SART3: variants seen among roughly 807,000 people sequenced by gnomAD.
SART3 encodes the protein HIV-1 Tat-interacting protein of 110kDa.
Under a neutral mutation model 122.3 loss-of-function variants are expected in SART3, and 44 were observed. The observed-to-expected ratio is 0.36, with a 90% CI of 0.28 to 0.46. The LOEUF is 0.46. Among genes scored for constraint, SART3 ranks in the 20% least tolerant of loss-of-function variants. The pLI is 1.00. For synonymous variants in SART3, 442 were observed against 454.0 expected (o/e 0.97, Z 0.34); for missense variants, 1,101 against 1,229.0 (o/e 0.90, Z 1.56).
chr12:108,545,773 C>T (rs541389311), intron 3 of SART3, among the ~76,000 whole-genome samples: 2 of 152,198 alleles, frequency 1.3e-5, no homozygotes, highest in South Asian at 4.2e-4. Context: ...CGAAACCAGC[C>T]TGGCCAATAT....
Position 108,561,028 on chromosome 12 carries a change from CA to C in SART3, c.126del (p.Val43TrpfsTer20). 1 of 1,614,202 alleles carries C rather than the reference CA, an allele frequency of 6.2e-7. No individual in the cohort carries two copies. The highest frequency in any genetic ancestry group is 1.1e-5 in the South Asian group (1 of 91,084). Reference protein sequence around the residue: ...ARTRRKVLSRAVAAATYKTMG... With the variant: ...ARTRRKVLSRXVAAATYKTMG... ...ATGGTCTTGTATGTCGCAGCGGCCACAGCCCGCGATAACACCTTCCTCCTTG... is the reference window on the plus strand; with the variant it reads ...ATGGTCTTGTATGTCGCAGCGGCCACGCCCGCGATAACACCTTCCTCCTTG... On this transcript the variant is annotated frameshift_variant, in exon 1 of 19. Coordinates refer to ENST00000546815, the MANE Select transcript of SART3 (RefSeq NM_014706.4). LOFTEE classifies it high-confidence loss of function.
rs545399301 is a variant in SART3, at chr12:108,533,900, G to A, written c.1556+1459C>T. Among the ~76,000 whole-genome samples the A allele has an allele frequency of 3.3e-5, 5 of 152,274 alleles. 1 individual carries two copies. The South Asian group carries it at 1.0e-3, about 32-fold the overall frequency. On this transcript the variant is annotated intron_variant, in intron 12 of 18. Transcript: ENST00000546815. ...TTCAGATTCCACATGCAACACTGAA[G>A]TTTTGCTATAATATGTATGAAAGAA...
In SART3 at chr12:108,532,245, A is replaced by G; in HGVS notation, c.1646T>C (p.Leu549Ser). 1 of 1,614,136 alleles carries G rather than the reference A, an allele frequency of 6.2e-7. No homozygotes were observed. Among genetic ancestry groups the G allele is most frequent in the Non-Finnish European group, 8.5e-7 (1 of 1,179,990 alleles). Residue 549 changes from leucine to serine, a missense_variant, in exon 13 of 19, where the codon TTA (leucine) becomes TCA (serine). This residue lies in a region of SART3 where 885 missense variants were observed against 1,080.1 expected (regional missense o/e 0.82). Coordinates refer to ENST00000546815, the MANE Select transcript of SART3 (RefSeq NM_014706.4). ...SDYPEHVCEV[L>S]LTMERTEGSL... ...ACCTTCTGTCCTCTCCATGGTGAGT[A>G]ACACTTCGCAGACGTGCTCTGGGTA...
intron 3 of SART3, among the ~76,000 whole-genome samples, chr12:108,547,488 T>C (rs920038500): frequency 6.6e-6 from 1 of 152,232 alleles, no homozygotes; most frequent in African/African-American, 2.4e-5. Flanking sequence ...CTCTGTACTA[T>C]TTCTGCAACT....
In SART3 at chr12:108,523,408, C is replaced by T; in HGVS notation, c.*49G>A. 1.2e-6 allele frequency: 2 copies of T among 1,601,440 alleles called. No homozygotes were observed. The highest frequency in any genetic ancestry group is 1.7e-6 in the Non-Finnish European group (2 of 1,170,380). ...AGTGCACTGCTGGGTGGTGGGAGGTCCGCCGGGCCAGAGTGAAGTAAGGCA... is the reference window on the plus strand; with the variant it reads ...AGTGCACTGCTGGGTGGTGGGAGGTTCGCCGGGCCAGAGTGAAGTAAGGCA... On this transcript the variant is annotated 3_prime_UTR_variant, in exon 19 of 19. Transcript: ENST00000546815.
chr12:108,533,252 C>A (rs1872763507), intron 12 of SART3, among the ~76,000 whole-genome samples: 1 of 152,024 alleles, frequency 6.6e-6, no homozygotes, highest in African/African-American at 2.4e-5. Context: ...ACTGTGTTGA[C>A]ATCTTCAAGA....
In SART3 at chr12:108,523,170, G is replaced by A. The variant is rs1013886216; in HGVS notation, c.*287C>T. The A allele has an allele frequency of 2.7e-5, 14 of 523,696 alleles. 1 individual carries two copies. The Middle Eastern group carries it at 1.6e-3, about 58-fold the overall frequency. 32.4% of individuals were successfully genotyped at this position (523,696 alleles called of 1,614,324 possible). ...TGTGTCTCAAAAACAGTGTGTTCTC[G>A]TTTCGCTTCTGTGCCTCAGTCTTTA... On this transcript the variant is annotated 3_prime_UTR_variant, in exon 19 of 19. Coordinates refer to ENST00000546815, the MANE Select transcript of SART3 (RefSeq NM_014706.4).
intron 11 of SART3, 149 bp from the exon 12 acceptor site, chr12:108,535,617 G>A (rs766444677): frequency 4.1e-6 from 3 of 725,836 alleles, no homozygotes; most frequent in South Asian, 1.4e-5. Context: ...CCTCCCTCCA[G>A]TGGTAAACGA....
At position 108,531,320 on chromosome 12, in the gene SART3, T is replaced by C. The variant is rs138738651; in HGVS notation, c.1670-40A>G. ...AAGCAAAACTTTCACTCTTTAGGAT[T>C]TTGAAGGATACAATCACATAAATTT... On this transcript the variant is annotated intron_variant, in intron 13 of 18. Coordinates refer to ENST00000546815, the MANE Select transcript of SART3 (RefSeq NM_014706.4). 5.3e-6 allele frequency: 8 copies of C among 1,513,634 alleles called. No individual in the cohort carries two copies. The African/African-American group carries it at 8.2e-5, about 16-fold the overall frequency. The allele number at this position is 1,513,634 out of a possible 1,614,324, so 93.8% of individuals were successfully genotyped here.
chr12:108,529,720 T>G (rs1408364335), intron 15 of SART3, among the ~76,000 whole-genome samples: 1 of 151,762 alleles, frequency 6.6e-6, no homozygotes, highest in African/African-American at 2.4e-5. Flanking sequence ...TGGAATCCAA[T>G]GCTTAGGGAG....
Position 108,537,402 on chromosome 12 carries a change from A to C in SART3, c.1309+86T>G, listed in dbSNP as rs558155808. 132 of 993,840 alleles carry C rather than the reference A, an allele frequency of 1.3e-4. No homozygotes were observed. The African/African-American group carries it at 1.9e-3, about 14-fold the overall frequency. 61.6% of individuals were successfully genotyped at this position (993,840 alleles called of 1,614,324 possible). A position where few individuals can be genotyped will look rare whatever the true frequency, so the allele number is the denominator to read the frequency against. The stretch of plus-strand genomic sequence containing the variant: ...TAGTCTACATCATTTGCCCAATCAC[A>C]ATGTATCTGGGGAACTGGGACATCT... On this transcript the variant is annotated intron_variant, in intron 9 of 18. Transcript: ENST00000546815.
chr12:108,560,964 T>C lies in SART3; in HGVS notation c.191A>G (p.Glu64Gly). The change falls in exon 1 of 19, where the codon GAG becomes GGG. Residue 64 changes from glutamate to glycine, a missense_variant. By Grantham distance (98) the Glu-to-Gly change is moderately conservative (BLOSUM62 -2). Around this residue, in one of 2 missense-constraint regions of SART3, gnomAD observed 216 missense variants for 148.9 expected, o/e 1.45. Coordinates refer to ENST00000546815, the MANE Select transcript of SART3 (RefSeq NM_014706.4). ...CATGGCGTACTCATCCCCATCGCTC[T>C]CGCTCACGCCTTCCTCCTGCTGATC... ...AWDQQEEGVS[E>G]SDGDEYAMAS... The C allele has an allele frequency of 6.2e-7, 1 of 1,614,134 alleles. No individual in the cohort carries two copies. Among genetic ancestry groups the C allele is most frequent in the African/African-American group, 1.3e-5 (1 of 75,068 alleles).
At chr12:108,545,015 A>G (rs560860847) in intron 4 of SART3, 124 bp downstream of exon 4, 1 of 1,026,478 alleles carries the variant, frequency 9.7e-7, no homozygotes, top group East Asian at 2.4e-5. Context: ...AGGGATTGGC[A>G]AAGACCATTT....
chr12:108,536,907 GAA>G, intron 9 of SART3, 122 bp from the exon 10 acceptor site: 1 of 887,466 alleles, frequency 1.1e-6, no homozygotes, highest in Non-Finnish European at 1.8e-6. Context: ...AAGGGACACA[GAA>G]ATAAAATTGC....
chr12:108,538,274 G>T, intron 7 of SART3, 71 bp from the exon 8 acceptor site: 1 of 1,547,726 alleles, frequency 6.5e-7, no homozygotes, highest in Non-Finnish European at 8.9e-7. Flanking sequence ...GACATTGCCA[G>T]CACGACCAAG....
At chr12:108,529,273 A>G (rs1262084213) in intron 15 of SART3, among the ~76,000 whole-genome samples, 1 of 152,242 alleles carries the variant, frequency 6.6e-6, no homozygotes, top group Admixed American at 6.5e-5. Flanking sequence ...AAATATGGTC[A>G]TAAATATGTG....
chr12:108,528,615 C>T (rs1319977886), intron 15 of SART3, among the ~76,000 whole-genome samples: 1 of 152,020 alleles, frequency 6.6e-6, no homozygotes, highest in Non-Finnish European at 1.5e-5. Context: ...TGACAGGGAC[C>T]CAGCAGCCTA....
chr12:108,537,119 G>T, intron 9 of SART3: 1 of 435,846 alleles, frequency 2.3e-6, no homozygotes, highest in Non-Finnish European at 4.2e-6. Context: ...ACAAGTTAGG[G>T]GTTTTCTGGT....
At position 108,523,431 on chromosome 12, in the gene SART3, G is replaced by T. The variant is rs759428636; in HGVS notation, c.*26C>A. On this transcript the variant is annotated 3_prime_UTR_variant, in exon 19 of 19. Transcript: ENST00000546815. The stretch of plus-strand genomic sequence containing the variant: ...GTCCGCCGGGCCAGAGTGAAGTAAG[G>T]CATTTCCTGTCTCCCAGCGTCCCGT... The T allele has an allele frequency of 6.2e-7, 1 of 1,611,140 alleles. No homozygotes were observed. Among genetic ancestry groups the T allele is most frequent in the Non-Finnish European group, 8.5e-7 (1 of 1,179,062 alleles).
Sources: allele counts gnomAD v4.1 joint callset (sites outside exome capture counted in the v4.1 genomes callset), GRCh38; gene constraint gnomAD v4.1.1; regional missense constraint gnomAD v4.1.1; transcripts MANE v1.5; gene names NCBI Gene and HGNC (gene_info 2026-07-23, HGNC 2026-07-21).